ADAT2: variants seen among roughly 807,000 people sequenced by gnomAD.
ADAT2 encodes adenosine deaminase tRNA specific 2.
Under a neutral mutation model 25.9 loss-of-function variants are expected in ADAT2, and 26 were observed. That is an observed-to-expected ratio of 1.00 (90% CI 0.74 to 1.39). The LOEUF (loss-of-function observed/expected upper bound fraction) is 1.39, where lower values mean the gene tolerates loss of function less well. Among genes scored for constraint, ADAT2 ranks in the 40% most tolerant of loss-of-function variants. The pLI, the probability that ADAT2 is intolerant of heterozygous loss-of-function variation, is 0.00. For synonymous variants in ADAT2, 76 were observed against 86.8 expected, an observed-to-expected ratio of 0.88 and a Z score of 0.69; for missense variants, 220 against 244.8, an observed-to-expected ratio of 0.90 and a Z score of 0.68.
In ADAT2 at chr6:143,442,444, A is replaced by C. The variant is rs1779486637; in HGVS notation, c.97-3750T>G. Among the ~76,000 whole-genome samples, 3 of 151,474 alleles carry C rather than the reference A, an allele frequency of 2.0e-5. No individual in the cohort carries two copies. The highest frequency in any genetic ancestry group is 7.3e-5 in the African/African-American group (3 of 41,164). On this transcript the variant is annotated intron_variant, in intron 1 of 5. Coordinates refer to ENST00000237283, the MANE Select transcript of ADAT2 (RefSeq NM_182503.3). The surrounding 1 kb of genome is among the most constrained non-coding windows in gnomAD (Gnocchi z 4.6). ...AACAGTTCCAGTGGTGGTTATACAA[A>C]GCTAAACATGACAAAATTGCATAGG...
chr6:143,443,071 A>G (rs1779506443), intron 1 of ADAT2, among the ~76,000 whole-genome samples: 1 of 152,198 alleles, frequency 6.6e-6, no homozygotes, highest in Non-Finnish European at 1.5e-5. Flanking sequence ...TAAGCATTTT[A>G]TAAGTATTAA....
chr6:143,429,223 G>T (rs954805774), intron 4 of ADAT2, among the ~76,000 whole-genome samples: 1 of 151,984 alleles, frequency 6.6e-6, no homozygotes, highest in Non-Finnish European at 1.5e-5. Flanking sequence ...GCTAAGAATG[G>T]TTTTTATATC....
In ADAT2 at chr6:143,450,623, G is replaced by C. The variant is rs1779734940; in HGVS notation, c.36C>G (p.Ser12Arg). 2 of 1,613,966 alleles carry C rather than the reference G, an allele frequency of 1.2e-6. No homozygotes were observed. Among genetic ancestry groups the C allele is most frequent in the Non-Finnish European group, 1.7e-6 (2 of 1,180,028 alleles). The change falls in exon 1 of 6, where the codon AGC becomes AGG. Residue 12 changes from serine to arginine, a missense_variant. Physicochemically the swap from Ser to Arg is moderately radical, Grantham distance 110. Coordinates refer to ENST00000237283, the MANE Select transcript of ADAT2 (RefSeq NM_182503.3). ...CCTCTGCCGACACCGAGCACGCGCC[G>C]CTTGCAGCTGGCTTGGGTGCCGCCT... ...EAKAAPKPAA[S>R]GACSVSAEET...
intron 1 of ADAT2, among the ~76,000 whole-genome samples, chr6:143,448,887 A>AAT (rs1326476918): frequency 6.6e-6 from 1 of 152,168 alleles, no homozygotes; most frequent in Non-Finnish European, 1.5e-5. Context: ...TTTAAAAAGA[A>AAT]ATATATTCAT....
At chr6:143,443,497 C>T (rs542488315) in intron 1 of ADAT2, among the ~76,000 whole-genome samples, 3 of 152,228 alleles carry the variant, frequency 2.0e-5, no homozygotes, top group African/African-American at 7.2e-5. Context: ...TGCCACTACA[C>T]TCCAGCCTGG....
intron 3 of ADAT2, 137 bp downstream of exon 3, chr6:143,433,694 T>G (rs1363928168): frequency 3.6e-6 from 3 of 831,236 alleles, no homozygotes; most frequent in Admixed American, 6.8e-5. Context: ...TTTCTTTTTT[T>G]TGGCTAAGAC....
Position 143,437,075 on chromosome 6 carries a change from T to A in ADAT2, c.201+1515A>T, listed in dbSNP as rs1779309855. ...TTCATAAGCAAATTGATAAAAAAGT[T>A]TTTTTGGGGGGCTGACATATTAACT... On this transcript the variant is annotated intron_variant, in intron 2 of 5. Transcript: ENST00000237283. The surrounding 1 kb of genome is among the most constrained non-coding windows in gnomAD (Gnocchi z 4.1). 6.7e-6 allele frequency among the ~76,000 whole-genome samples: 1 copy of A among 150,022 alleles called. No homozygotes were observed. The highest frequency in any genetic ancestry group is 2.1e-4 in the South Asian group (1 of 4,832).
intron 1 of ADAT2, 27 bp downstream of exon 1, chr6:143,450,536 G>A (rs778914897): frequency 1.2e-6 from 2 of 1,611,382 alleles, no homozygotes; most frequent in South Asian, 2.2e-5. Context: ...GTCCCACCCC[G>A]CAGCATCTAC....
rs569128666 is a variant in ADAT2, at chr6:143,423,751, T to C, written c.*4712A>G. The C allele has an allele frequency of 6.6e-6, 1 of 152,284 alleles. No homozygotes were observed. Among genetic ancestry groups the C allele is most frequent in the African/African-American group, 2.4e-5 (1 of 41,542 alleles). 9.4% of individuals were successfully genotyped at this position (152,284 alleles called of 1,614,324 possible). On this transcript the variant is annotated 3_prime_UTR_variant, in exon 6 of 6. Coordinates refer to ENST00000237283, the MANE Select transcript of ADAT2 (RefSeq NM_182503.3). ...CAAAATGAACTTAACAGGCTTCTCG[T>C]TGAAGGGAGGCCAAGGACTTACACA...
In ADAT2 at chr6:143,425,557, A is replaced by G. The variant is rs147529125; in HGVS notation, c.*2906T>C. On this transcript the variant is annotated 3_prime_UTR_variant, in exon 6 of 6. Transcript: ENST00000237283. ...TCAAGACAAGTAAATGTAATGCTGG[A>G]CCCTAGACTGGACCTGGGATTATAG... The G allele has an allele frequency of 0.017, 2,586 of 151,724 alleles. 103 individuals are homozygous for G. The highest frequency in any genetic ancestry group is 0.072 in the South Asian group (346 of 4,794). The allele number at this position is 151,724 out of a possible 1,614,324, so 9.4% of individuals were successfully genotyped here. A position where few individuals can be genotyped will look rare whatever the true frequency, so the allele number is the denominator to read the frequency against.
rs1583965200 is a variant in ADAT2 at position 143,426,192 on chromosome 6, T to C, written c.*2271A>G. On this transcript the variant is annotated 3_prime_UTR_variant, in exon 6 of 6. Transcript: ENST00000237283. The surrounding 1 kb of genome is among the most constrained non-coding windows in gnomAD (Gnocchi z 4.1). ...GACAGGCACTATCAGTATCAATCAA[T>C]GGAATTCAAGCTGTTGAACTAGGAC... The C allele has an allele frequency of 6.6e-6, 1 of 152,350 alleles. No homozygotes were observed. The highest frequency in any genetic ancestry group is 1.9e-4 in the East Asian group (1 of 5,186). The allele number at this position is 152,350 out of a possible 1,614,324, so 9.4% of individuals were successfully genotyped here.
rs1778985156 is a variant in ADAT2, at chr6:143,427,870, C to A, written c.*593G>T. On this transcript the variant is annotated 3_prime_UTR_variant, in exon 6 of 6. Transcript: ENST00000237283. Reference sequence around the variant, plus strand: ...GCAATATGCTATAATTTTTAAGTGACAACTCAAGCACTTGTTTTAAAAGTA... The same window carrying A: ...GCAATATGCTATAATTTTTAAGTGAAAACTCAAGCACTTGTTTTAAAAGTA... The A allele has an allele frequency of 6.6e-6, 1 of 152,126 alleles. No homozygotes were observed. The highest frequency in any genetic ancestry group is 1.5e-5 in the Non-Finnish European group (1 of 68,062). The allele number at this position is 152,126 out of a possible 1,614,324, so 9.4% of individuals were successfully genotyped here. A position where few individuals can be genotyped will look rare whatever the true frequency, so the allele number is the denominator to read the frequency against.
intron 1 of ADAT2, among the ~76,000 whole-genome samples, chr6:143,448,327 A>T (rs1779656266): frequency 6.6e-6 from 1 of 152,140 alleles, no homozygotes. Context: ...GGTGCAGCAC[A>T]CCAACATGGC....
chr6:143,425,500 CAAAAA>C lies in ADAT2; in HGVS notation c.*2958_*2962del, dbSNP rs369961060. ...CTGGACGACAGAGTGAGACCTATCT[CAAAAA>C]AAAAAAAAAAAAAGAAAAAGCTGGA... On this transcript the variant is annotated 3_prime_UTR_variant, in exon 6 of 6. Coordinates refer to ENST00000237283, the MANE Select transcript of ADAT2 (RefSeq NM_182503.3). The C allele has an allele frequency of 1.6e-4, 19 of 118,760 alleles. No individual in the cohort carries two copies. The highest frequency in any genetic ancestry group is 2.1e-4 in the Non-Finnish European group (12 of 55,838). 7.4% of individuals were successfully genotyped at this position (118,760 alleles called of 1,614,324 possible).
rs1397501121 is a variant in ADAT2, at chr6:143,433,956, G to A, written c.227C>T (p.Ala76Val). 6.2e-7 allele frequency: 1 copy of A among 1,613,958 alleles called. No individual in the cohort carries two copies. Among genetic ancestry groups the A allele is most frequent in the Non-Finnish European group, 8.5e-7 (1 of 1,180,020 alleles). Residue 76 changes from alanine to valine, a missense_variant, in exon 3 of 6, where the codon GCC (alanine) becomes GTC (valine). Coordinates refer to ENST00000237283, the MANE Select transcript of ADAT2 (RefSeq NM_182503.3). Reference protein sequence around the residue: ...KNATRHAEMVAIDQVLDWCRQ... With the variant: ...KNATRHAEMVVIDQVLDWCRQ... ...ACACCAATCGAGGACCTGATCGATG[G>A]CCACCATTTCTGCATGTCGAGTAGC...
In ADAT2 at chr6:143,442,274, T is replaced by C. The variant is rs1779480772; in HGVS notation, c.97-3580A>G. On this transcript the variant is annotated intron_variant, in intron 1 of 5. Transcript: ENST00000237283. This position sits in a 1 kb window ranked among gnomAD's most constrained non-coding sequence, Gnocchi z 4.6. ...ATCTCAACAACTTGGATGGATCTCA[T>C]GGGAATCATGCTGAATGGAGAAAGC... 6.6e-6 allele frequency among the ~76,000 whole-genome samples: 1 copy of C among 152,180 alleles called. No individual in the cohort carries two copies. Among genetic ancestry groups the C allele is most frequent in the African/African-American group, 2.4e-5 (1 of 41,440 alleles).
chr6:143,432,100 T>C lies in ADAT2; in HGVS notation c.459+405A>G, dbSNP rs1452991755. ...AAATGATTAAATTTGTACAAAAATA[T>C]TGTGTGTGCTGTAAATAGTCTCTAG... On this transcript the variant is annotated intron_variant, in intron 4 of 5. Coordinates refer to ENST00000237283, the MANE Select transcript of ADAT2 (RefSeq NM_182503.3). The surrounding 1 kb of genome is among the most constrained non-coding windows in gnomAD (Gnocchi z 4.4). Among the ~76,000 whole-genome samples, 2 of 152,200 alleles carry C rather than the reference T, an allele frequency of 1.3e-5. No homozygotes were observed. Among genetic ancestry groups the C allele is most frequent in the Non-Finnish European group, 2.9e-5 (2 of 68,030 alleles).
In ADAT2 at chr6:143,446,039, G is replaced by A. The variant is rs1279499268; in HGVS notation, c.96+4524C>T. On this transcript the variant is annotated intron_variant, in intron 1 of 5. Transcript: ENST00000237283. This position sits in a 1 kb window ranked among gnomAD's most constrained non-coding sequence, Gnocchi z 5.0. ...AATTATAAAGTAAGATGTGTTCAAG[G>A]TGGAGAACTTAGCGATTAAAAAAAA... Among the ~76,000 whole-genome samples, 2 of 149,470 alleles carry A rather than the reference G, an allele frequency of 1.3e-5. No homozygotes were observed. Among genetic ancestry groups the A allele is most frequent in the Non-Finnish European group, 3.0e-5 (2 of 67,540 alleles).
rs559251029 is a variant in ADAT2 at position 143,434,131 on chromosome 6, A to G, written c.202-150T>C. On this transcript the variant is annotated intron_variant, in intron 2 of 5. Transcript: ENST00000237283. The surrounding 1 kb of genome is among the most constrained non-coding windows in gnomAD (Gnocchi z 4.5). Reference sequence around the variant, plus strand: ...TTCAAGACACCCTTAGCAGTGGACAACGTATTCCCCAATTCAAGTACCATA... The same window carrying G: ...TTCAAGACACCCTTAGCAGTGGACAGCGTATTCCCCAATTCAAGTACCATA... The G allele has an allele frequency of 1.1e-6, 1 of 926,056 alleles. No individual in the cohort carries two copies. Among genetic ancestry groups the G allele is most frequent in the African/African-American group, 1.7e-5 (1 of 60,346 alleles). 57.4% of individuals were successfully genotyped at this position (926,056 alleles called of 1,614,324 possible). A position where few individuals can be genotyped will look rare whatever the true frequency, so the allele number is the denominator to read the frequency against.
Sources: gnomAD v4.1 joint callset for allele counts (sites outside exome capture counted in the v4.1 genomes callset) on GRCh38, gnomAD v4.1.1 for gene constraint, Gnocchi (gnomAD v3.1) non-coding constraint, MANE v1.5 for transcripts, NCBI Gene and HGNC (gene_info 2026-07-23, HGNC 2026-07-21) for gene names.